The following LYPLAL1 variants were observed in gnomAD, a reference collection of about 807,000 sequenced individuals.
LYPLAL1 encodes the protein lysophospholipase like 1.
A neutral mutation model predicts 19.7 loss-of-function variants in LYPLAL1; 23 were observed. The observed-to-expected ratio is 1.17, with a 90% CI of 0.84 to 1.65. LYPLAL1 has a LOEUF of 1.65. Ranked by LOEUF, LYPLAL1 falls within the 40% of genes most tolerant of loss-of-function variation. The pLI is 0.00. For synonymous variants in LYPLAL1, 119 were observed against 96.3 expected, an observed-to-expected ratio of 1.24 and a Z score of -1.38; for missense variants, 355 against 279.4, an observed-to-expected ratio of 1.27 and a Z score of -1.93.
chr1:219,385,292 G>A, the LYPLAL1 span, among the ~76,000 whole-genome samples: 1 of 152,114 alleles, frequency 6.6e-6, no homozygotes, highest in African/African-American at 2.4e-5. Context: ...GAGATAGAGT[G>A]GAAGGCTAAA....
chr1:219,291,345 T>C, the LYPLAL1 span, among the ~76,000 whole-genome samples: 4 of 152,230 alleles, frequency 2.6e-5, no homozygotes, highest in South Asian at 8.3e-4. Flanking sequence ...AAATACTCTT[T>C]TATTTATTTT....
Position 219,210,558 on chromosome 1 carries a change from G to A in LYPLAL1, c.388G>A (p.Ala130Thr), listed in dbSNP as rs1227312600. 6 of 1,606,946 alleles carry A rather than the reference G, an allele frequency of 3.7e-6. No individual in the cohort carries two copies. In the African/African-American group the frequency reaches 4.0e-5, roughly 11 times the overall value. ...AGGATTCTCTATGGGAGGATGCATG[G>A]CAATACATTTAGCATATAGAAATCA... is the stretch of plus-strand genomic sequence containing the variant. ...IGGFSMGGCMAIHLAYRNHQD... is the reference protein window; with the variant it reads ...IGGFSMGGCMTIHLAYRNHQD... The change falls in exon 4 of 5, where the codon GCA becomes ACA. Residue 130 changes from alanine to threonine, a missense_variant. Coordinates refer to ENST00000366928, the MANE Select transcript of LYPLAL1 (RefSeq NM_138794.5).
At chr1:219,408,787 T>C in the LYPLAL1 span, among the ~76,000 whole-genome samples, 7 of 152,182 alleles carry the variant, frequency 4.6e-5, 1 homozygote, top group South Asian at 1.5e-3. Context: ...AAATAGGTGG[T>C]TGAGAAAAGG....
At chr1:219,435,794 C>A in the LYPLAL1 span, among the ~76,000 whole-genome samples, 57 of 151,994 alleles carry the variant, frequency 3.8e-4, no homozygotes, top group South Asian at 1.5e-3. Context: ...CCATTACACT[C>A]CAGCCTGGGT....
chr1:219,188,810 T>C (rs1181584843), intron 2 of LYPLAL1, among the ~76,000 whole-genome samples: 1 of 151,720 alleles, frequency 6.6e-6, no homozygotes, highest in African/African-American at 2.4e-5. Flanking sequence ...TTTATTGTGG[T>C]AATGTCTGAG....
the LYPLAL1 span, among the ~76,000 whole-genome samples, chr1:219,290,723 T>C: frequency 1.1e-4 from 17 of 152,324 alleles, no homozygotes; most frequent in South Asian, 3.5e-3. Flanking sequence ...TTTTGCACTG[T>C]GGACTCGCCC....
At chr1:219,183,189 A>G (rs771151862) in intron 2 of LYPLAL1, among the ~76,000 whole-genome samples, 32 of 152,102 alleles carry the variant, frequency 2.1e-4, no homozygotes, top group Non-Finnish European at 3.8e-4. Context: ...AATACTAATG[A>G]TGTTGCACAC....
chr1:219,364,438 T>A, the LYPLAL1 span, among the ~76,000 whole-genome samples: 201 of 152,266 alleles, frequency 1.3e-3, 1 homozygote, highest in African/African-American at 4.7e-3. Flanking sequence ...CATAGCTGGC[T>A]CCTTTGTATC....
At chr1:219,222,981 A>T in the LYPLAL1 span, 1 of 152,056 alleles carries the variant, frequency 6.6e-6, no homozygotes, top group Non-Finnish European at 1.5e-5. Context: ...ATCATGACTT[A>T]ATCACTTTCC....
chr1:219,179,296 A>G (rs769459780), intron 2 of LYPLAL1, 50 bp downstream of exon 2: 10 of 1,306,090 alleles, frequency 7.7e-6, no homozygotes, highest in African/African-American at 4.5e-5. Context: ...GGCATAAAAT[A>G]TATATAGAGA....
At chr1:219,400,661 A>T in the LYPLAL1 span, among the ~76,000 whole-genome samples, 1 of 151,996 alleles carries the variant, frequency 6.6e-6, no homozygotes, top group Non-Finnish European at 1.5e-5. Context: ...CACCCAGCTA[A>T]TTTTTGTATT....
the LYPLAL1 span, among the ~76,000 whole-genome samples, chr1:219,419,878 G>A: frequency 3.2e-4 from 49 of 152,188 alleles, no homozygotes; most frequent in African/African-American, 1.2e-3. Context: ...TGTACAGCTA[G>A]CTTCCCAAAG....
the LYPLAL1 span, chr1:219,442,631 C>G: frequency 2.6e-5 from 4 of 152,308 alleles, no homozygotes; most frequent in East Asian, 7.7e-4. Context: ...GGCCCTTCAG[C>G]CTTTGAATGC....
chr1:219,280,946 G>T, the LYPLAL1 span, among the ~76,000 whole-genome samples: 1 of 152,196 alleles, frequency 6.6e-6, no homozygotes, highest in East Asian at 1.9e-4. Flanking sequence ...CTCCTCAGGA[G>T]GCTGAGGAAG....
chr1:219,287,753 G>A, the LYPLAL1 span, among the ~76,000 whole-genome samples: 2 of 152,170 alleles, frequency 1.3e-5, no homozygotes, highest in South Asian at 2.1e-4. Flanking sequence ...ATCTCGTGTC[G>A]AACTGTCATC....
chr1:219,210,718 G>C, intron 4 of LYPLAL1, 71 bp downstream of exon 4: 1 of 1,399,482 alleles, frequency 7.1e-7, no homozygotes, highest in Non-Finnish European at 9.7e-7. Flanking sequence ...AGCAAAATCG[G>C]TAATAAAGCT....
the LYPLAL1 span, among the ~76,000 whole-genome samples, chr1:219,257,353 G>GTTTTTTTTTTTTTTTTTTTTTTT: frequency 6.0e-5 from 8 of 132,580 alleles, 2 homozygotes; most frequent in African/African-American, 5.7e-5. Context: ...ATCCATACCA[G>GTTTTTTTTTTTTTTTTTTTTTTT]TTTTTGTTTT....
At chr1:219,194,211 A>G (rs555114569) in intron 3 of LYPLAL1, among the ~76,000 whole-genome samples, 6 of 151,716 alleles carry the variant, frequency 4.0e-5, no homozygotes, top group Non-Finnish European at 7.4e-5. Context: ...ATTATGTTTA[A>G]CTCTATATTT....
the LYPLAL1 span, among the ~76,000 whole-genome samples, chr1:219,394,808 G>T: frequency 6.6e-6 from 1 of 152,088 alleles, no homozygotes; most frequent in Non-Finnish European, 1.5e-5. Flanking sequence ...ATAGGCCTCA[G>T]TGTCTGTTGT....
Sources: gnomAD v4.1 joint callset for allele counts (sites outside exome capture counted in the v4.1 genomes callset) on GRCh38, gnomAD v4.1.1 for gene constraint, MANE v1.5 for transcripts, NCBI Gene and HGNC (gene_info 2026-07-23, HGNC 2026-07-21) for gene names.